Variants in AOC2 observed in about 807,000 individuals in gnomAD.
AOC2 encodes the protein amine oxidase copper containing 2.
A neutral mutation model predicts 53.8 loss-of-function variants in AOC2; 57 were observed. The observed-to-expected ratio is 1.06, with a 90% CI of 0.86 to 1.32. AOC2 has a LOEUF of 1.32. Ranked by LOEUF, AOC2 falls within the 40% of genes most tolerant of loss-of-function variation. AOC2 has a pLI of 0.00. For synonymous variants in AOC2, 404 were observed against 399.0 expected (o/e 1.01, Z -0.15); for missense variants, 1,008 against 957.2 (o/e 1.05, Z -0.70).
At chr17:42,849,049 T>A in intron 1 of AOC2, 37 bp from the exon 2 acceptor site, 1 of 1,575,918 alleles carries the variant, frequency 6.3e-7, no homozygotes, top group African/African-American at 1.3e-5. Context: ...AGACCTTACC[T>A]GGTGTGGAAC....
At chr17:42,849,953 C>T in intron 3 of AOC2, 129 bp from the exon 4 acceptor site, 1 of 1,365,768 alleles carries the variant, frequency 7.3e-7, no homozygotes. Context: ...TGGATTGCTC[C>T]ACGTGTTGTA....
chr17:42,849,314 C>T lies in AOC2; in HGVS notation c.1817C>T (p.Pro606Leu). Residue 606 changes from proline (P) to leucine (L), a missense_variant, in exon 2 of 4, where the codon CCC becomes CTC. Transcript: ENST00000253799. ...GGGTACCGAATCCAGATCCACAGCC[C>T]CCTTGGCATACACATACCCCTGGAG... ...QRGYRIQIHS[P>L]LGIHIPLESD... 6.2e-7 allele frequency: 1 copy of T among 1,614,160 alleles called. No individual in the cohort carries two copies. The highest frequency in any genetic ancestry group is 1.7e-5 in the Admixed American group (1 of 60,020).
At chr17:42,848,151 C>T (rs2144276750) in intron 1 of AOC2, among the ~76,000 whole-genome samples, 1 of 142,262 alleles carries the variant, frequency 7.0e-6, no homozygotes, top group Non-Finnish European at 1.5e-5. Context: ...TTCAAGGGAT[C>T]TGCATCACCC....
At chr17:42,848,966 G>T in intron 1 of AOC2, 120 bp from the exon 2 acceptor site, 3 of 1,107,024 alleles carry the variant, frequency 2.7e-6, no homozygotes, top group Non-Finnish European at 3.8e-6. Flanking sequence ...AGCACAGTGT[G>T]CTCTGATGCT....
In AOC2 at chr17:42,850,480, C is replaced by T; in HGVS notation, c.*132C>T. On this transcript the variant is annotated 3_prime_UTR_variant, in exon 4 of 4. Coordinates refer to ENST00000253799, the MANE Select transcript of AOC2 (RefSeq NM_009590.4). ...TCAATGTTCCTCTCACACGAAACCC[C>T]CATCAGTCCCTTTGGTTAATTCTTA... 9.4e-7 allele frequency: 1 copy of T among 1,068,300 alleles called. No individual in the cohort carries two copies. Among genetic ancestry groups the T allele is most frequent in the Middle Eastern group, 2.1e-4 (1 of 4,712 alleles). The allele number at this position is 1,068,300 out of a possible 1,614,324, so 66.2% of individuals were successfully genotyped here. A position where few individuals can be genotyped will look rare whatever the true frequency, so the allele number is the denominator to read the frequency against.
rs199502196 is a variant in AOC2, at chr17:42,849,128, C to T, written c.1631C>T (p.Pro544Leu). 1.9e-6 allele frequency: 3 copies of T among 1,614,042 alleles called. No individual in the cohort carries two copies. Among genetic ancestry groups the T allele is most frequent in the African/African-American group, 2.7e-5 (2 of 75,022 alleles). Residue 544 changes from proline to leucine, a missense_variant, in exon 2 of 4, where the codon CCT becomes CTT. Coordinates refer to ENST00000253799, the MANE Select transcript of AOC2 (RefSeq NM_009590.4). ...WVVAEDVVFK[P>L]VAAPWNPEHW... Reference sequence around the variant, plus strand: ...GTAGCTGAAGACGTGGTGTTTAAACCTGTGGCTGCCCCCTGGAACCCGGAG... The same window carrying T: ...GTAGCTGAAGACGTGGTGTTTAAACTTGTGGCTGCCCCCTGGAACCCGGAG...
Position 42,844,652 on chromosome 17 carries a change from T to TA in AOC2, c.26_27insA (p.Phe9LeufsTer35). The TA allele has an allele frequency of 6.2e-7, 1 of 1,613,648 alleles. No individual in the cohort carries two copies. The stretch of plus-strand genomic sequence containing the variant: ...ATGCATCTCAAGATAGTCCTGGCGT[T>TA]CCTGGCACTGTCCCTCATTACCATC... On this transcript the variant is annotated frameshift_variant, in exon 1 of 4. Transcript: ENST00000253799. LOFTEE classifies it high-confidence loss of function.
Position 42,850,188 on chromosome 17 carries a change from A to G in AOC2, c.2111A>G (p.Tyr704Cys), listed in dbSNP as rs773834689. The change falls in exon 4 of 4, where the codon TAT (tyrosine) becomes TGT (cysteine). Residue 704 changes from tyrosine to cysteine, a missense_variant. By Grantham distance (194) the Tyr-to-Cys change is radical (BLOSUM62 -2). Transcript: ENST00000253799. ...GNRVGFLLRPYNFFDEDPSIF... is the reference protein window; with the variant it reads ...GNRVGFLLRPCNFFDEDPSIF... ...AGAGTTGGCTTCTTGCTCCGACCCT[A>G]TAACTTCTTTGATGAGGACCCCTCC... 1.6e-5 allele frequency: 26 copies of G among 1,613,970 alleles called. 1 individual carries two copies. The highest frequency in any genetic ancestry group is 1.3e-4 in the East Asian group (6 of 44,890).
rs145008745 is a variant in AOC2 at position 42,846,164 on chromosome 17, G to T, written c.1538G>T (p.Gly513Val). ...FGNRVGERVL[G>V]TVHTHAFHFK... ...AACCGTGTGGGGGAAAGAGTGCTGGGAACGGTGCACACACATGCCTTCCAC... is the reference window on the plus strand; with the variant it reads ...AACCGTGTGGGGGAAAGAGTGCTGGTAACGGTGCACACACATGCCTTCCAC... Residue 513 changes from glycine to valine, a missense_variant, in exon 1 of 4, where the codon GGA (glycine) becomes GTA (valine). Coordinates refer to ENST00000253799, the MANE Select transcript of AOC2 (RefSeq NM_009590.4). The T allele has an allele frequency of 4.5e-6, 7 of 1,551,044 alleles. No homozygotes were observed. The African/African-American group carries it at 6.9e-5, about 15-fold the overall frequency.
At position 42,849,192 on chromosome 17, in the gene AOC2, G is replaced by C; in HGVS notation, c.1695G>C (p.Leu565=). 6.2e-7 allele frequency: 1 copy of C among 1,614,184 alleles called. No homozygotes were observed. Among genetic ancestry groups the C allele is most frequent in the Non-Finnish European group, 8.5e-7 (1 of 1,180,020 alleles). ...LQRPQLTRQV[L]GKEDLTAFSL... ...GCCCACAGCTGACTCGGCAGGTCCT[G>C]GGAAAGGAGGACCTGACAGCTTTTT... The change falls in exon 2 of 4, where the codon CTG becomes CTC. Residue 565 remains leucine (L), a synonymous_variant. Coordinates refer to ENST00000253799, the MANE Select transcript of AOC2 (RefSeq NM_009590.4).
intron 1 of AOC2, among the ~76,000 whole-genome samples, chr17:42,847,852 T>A (rs1253150381): frequency 6.6e-6 from 1 of 151,354 alleles, no homozygotes; most frequent in African/African-American, 2.4e-5. Context: ...GCAATCTCAG[T>A]TCACCGCAAC....
chr17:42,845,461 C>T lies in AOC2; in HGVS notation c.835C>T (p.Arg279Trp), dbSNP rs199997770. ...GQLEREFKSG[R>W]LEVVRVPLPP... is the part of the protein sequence containing the mutation. ...GTTGGAACGGGAGTTTAAGTCTGGC[C>T]GGTTGGAAGTGGTTAGAGTCCCTCT... Residue 279 changes from arginine to tryptophan, a missense_variant, in exon 1 of 4, where the codon CGG becomes TGG. By Grantham distance (101) the Arg-to-Trp change is moderately radical (BLOSUM62 -3). Transcript: ENST00000253799. The T allele has an allele frequency of 2.8e-4, 455 of 1,614,106 alleles. 1 individual carries two copies. The highest frequency in any genetic ancestry group is 7.5e-4 in the Admixed American group (45 of 60,010).
Position 42,850,617 on chromosome 17 carries a change from C to CT in AOC2, c.*270dup, listed in dbSNP as rs1326773771. The CT allele has an allele frequency of 2.8e-6, 1 of 362,252 alleles. No homozygotes were observed. The highest frequency in any genetic ancestry group is 2.1e-5 in the African/African-American group (1 of 47,846). The allele number at this position is 362,252 out of a possible 1,614,324, so 22.4% of individuals were successfully genotyped here. The stretch of plus-strand genomic sequence containing the variant: ...TAGGTGGTCACATTACATCAGACAT[C>CT]TCTTTATGCATGTGCATTCAAAAGG... On this transcript the variant is annotated 3_prime_UTR_variant, in exon 4 of 4. Transcript: ENST00000253799.
At chr17:42,848,974 GCT>G (rs2055621214) in intron 1 of AOC2, 110 bp from the exon 2 acceptor site, 3 of 1,172,922 alleles carry the variant, frequency 2.6e-6, no homozygotes, top group South Asian at 3.2e-5. Context: ...GTGCTCTGAT[GCT>G]CTCTCTGCCT....
intron 1 of AOC2, 53 bp from the exon 2 acceptor site, chr17:42,849,033 G>A (rs1251365134): frequency 1.3e-6 from 2 of 1,540,750 alleles, no homozygotes; most frequent in Non-Finnish European, 1.8e-6. Context: ...CAGGGACCTG[G>A]CCCAGAGACC....
chr17:42,850,118 A>G lies in AOC2; in HGVS notation c.2041A>G (p.Ile681Val), dbSNP rs767355304. The G allele has an allele frequency of 2.5e-6, 4 of 1,614,168 alleles. No individual in the cohort carries two copies. The highest frequency in any genetic ancestry group is 3.3e-5 in the Admixed American group (2 of 60,016). The change falls in exon 4 of 4, where the codon ATT becomes GTT. Residue 681 changes from isoleucine (I) to valine (V), a missense_variant. By Grantham distance (29) the Ile-to-Val change is conservative. Transcript: ENST00000253799. ...TTGGGTCACAGCCAGCTTCCTGCAC[A>G]TTCCCCATGCCGAGGACATCCCAAA... Reference protein sequence around the residue: ...VAWVTASFLHIPHAEDIPNTV... With the variant: ...VAWVTASFLHVPHAEDIPNTV...
At chr17:42,848,948 T>C in intron 1 of AOC2, 138 bp from the exon 2 acceptor site, 1 of 970,812 alleles carries the variant, frequency 1.0e-6, no homozygotes, top group Non-Finnish European at 1.5e-6. Context: ...CCAGACCTCC[T>C]GGCTCCCAGC....
intron 1 of AOC2, 115 bp downstream of exon 1, chr17:42,846,329 T>C (rs2055599635): frequency 8.3e-7 from 1 of 1,205,454 alleles, no homozygotes; most frequent in African/African-American, 1.5e-5. Context: ...AGCAGGGTGT[T>C]CCAACACCAC....
At position 42,850,334 on chromosome 17, in the gene AOC2, TACC is replaced by T. The variant is rs1567687794; in HGVS notation, c.2260_2262del (p.His754del). 6.3e-7 allele frequency: 1 copy of T among 1,599,328 alleles called. No homozygotes were observed. The highest frequency in any genetic ancestry group is 1.3e-5 in the African/African-American group (1 of 74,666). ...TGTCCCGGACTTACCCCCTTTCTCTTACCACGGCTTCTAGTCCTGAGGGTGTGG... is the reference window on the plus strand; with the variant it reads ...TGTCCCGGACTTACCCCCTTTCTCTTACGGCTTCTAGTCCTGAGGGTGTGG... On this transcript the variant is annotated inframe_deletion, in exon 4 of 4. Coordinates refer to ENST00000253799, the MANE Select transcript of AOC2 (RefSeq NM_009590.4).
Sources: gnomAD v4.1 joint callset for allele counts (sites outside exome capture counted in the v4.1 genomes callset) on GRCh38, gnomAD v4.1.1 for gene constraint, MANE v1.5 for transcripts, NCBI Gene and HGNC (gene_info 2026-07-23, HGNC 2026-07-21) for gene names.